Variants in DOCK4 observed in about 807,000 individuals in gnomAD.
DOCK4 encodes the protein dedicator of cytokinesis protein 4.
In DOCK4, 97 loss-of-function variants were observed where a neutral mutation model predicts 268.1. That is an observed-to-expected ratio of 0.36 (90% CI 0.31 to 0.43). The LOEUF is 0.43. Among genes scored for constraint, DOCK4 ranks in the 20% least tolerant of loss-of-function variants. The pLI, the probability that DOCK4 is intolerant of heterozygous loss-of-function variation, is 1.00. For synonymous variants in DOCK4, 954 were observed against 887.2 expected, an observed-to-expected ratio of 1.08 and a Z score of -1.34; for missense variants, 2,145 against 2,455.7, an observed-to-expected ratio of 0.87 and a Z score of 2.67.
chr7:111,865,892 G>A (rs1302062583), intron 22 of DOCK4, among the ~76,000 whole-genome samples: 2 of 152,194 alleles, frequency 1.3e-5, no homozygotes, highest in Non-Finnish European at 2.9e-5. Context: ...CTGCCATCAA[G>A]GAAATGCAGA....
chr7:111,879,924 C>T (rs1440022608), intron 16 of DOCK4, among the ~76,000 whole-genome samples: 2 of 152,012 alleles, frequency 1.3e-5, no homozygotes, highest in Non-Finnish European at 2.9e-5. Flanking sequence ...CGCACTTCTA[C>T]AATATCTAGA....
intron 27 of DOCK4, among the ~76,000 whole-genome samples, chr7:111,815,026 T>C (rs182444433): frequency 6.6e-6 from 1 of 152,366 alleles, no homozygotes; most frequent in East Asian, 1.9e-4. Flanking sequence ...ACAGTTCCTA[T>C]AGTATACATA....
At chr7:111,936,473 G>A (rs569128559) in intron 11 of DOCK4, among the ~76,000 whole-genome samples, 1 of 147,798 alleles carries the variant, frequency 6.8e-6, no homozygotes, top group Non-Finnish European at 1.5e-5. Flanking sequence ...CTTAAAAACT[G>A]TCAGTGGTAT....
intron 8 of DOCK4, chr7:111,953,556 G>A (rs1586481589): frequency 6.6e-6 from 1 of 152,308 alleles, no homozygotes; most frequent in South Asian, 2.1e-4. Flanking sequence ...TACTTCTTTG[G>A]CATAAGAATT....
At chr7:112,126,879 A>C (rs1460674830) in intron 1 of DOCK4, among the ~76,000 whole-genome samples, 1 of 152,124 alleles carries the variant, frequency 6.6e-6, no homozygotes, top group African/African-American at 2.4e-5. Flanking sequence ...CACACCAGGT[A>C]GAATGGCAAT....
intron 1 of DOCK4, among the ~76,000 whole-genome samples, chr7:112,009,423 T>C (rs1801115828): frequency 6.6e-6 from 1 of 152,282 alleles, no homozygotes; most frequent in Non-Finnish European, 1.5e-5. Flanking sequence ...AAGGAAACTG[T>C]TGTTTTTCAC....
chr7:111,900,635 T>C (rs773271643), intron 14 of DOCK4, 99 bp from the exon 15 acceptor site: 39 of 1,278,198 alleles, frequency 3.1e-5, no homozygotes, highest in Middle Eastern at 4.4e-4. Context: ...GCCTCTCAAA[T>C]AGCACTATGA....
intron 6 of DOCK4, among the ~76,000 whole-genome samples, chr7:111,987,177 GT>G (rs1366875394): frequency 2.6e-5 from 4 of 152,140 alleles, no homozygotes; most frequent in Non-Finnish European, 5.9e-5. Flanking sequence ...ATGCATCAAT[GT>G]TTTACCAACT....
At chr7:112,111,816 A>T (rs1166199889) in intron 1 of DOCK4, among the ~76,000 whole-genome samples, 1 of 152,188 alleles carries the variant, frequency 6.6e-6, no homozygotes, top group Non-Finnish European at 1.5e-5. Context: ...TCATTCATGT[A>T]AAAAAGAGTT....
At chr7:112,099,313 A>G (rs1810457447) in intron 1 of DOCK4, among the ~76,000 whole-genome samples, 1 of 151,740 alleles carries the variant, frequency 6.6e-6, no homozygotes, top group Non-Finnish European at 1.5e-5. Flanking sequence ...AAAAAAAAAA[A>G]AAAAAGTAGT....
intron 1 of DOCK4, among the ~76,000 whole-genome samples, chr7:112,035,698 A>C (rs1384362871): frequency 6.6e-6 from 1 of 152,166 alleles, no homozygotes; most frequent in Admixed American, 6.5e-5. Context: ...AATTCAGATA[A>C]ACAAACATAA....
intron 41 of DOCK4, among the ~76,000 whole-genome samples, chr7:111,756,423 T>C (rs1797025646): frequency 6.6e-6 from 1 of 152,114 alleles, no homozygotes; most frequent in Admixed American, 6.6e-5. Flanking sequence ...ACACTACCGA[T>C]AGAGCCAGCA....
At chr7:111,824,332 ATG>A (rs1360776072) in intron 26 of DOCK4, among the ~76,000 whole-genome samples, 1 of 152,138 alleles carries the variant, frequency 6.6e-6, no homozygotes. Context: ...CCCTGCAAAA[ATG>A]GCTTGTGCAT....
intron 8 of DOCK4, among the ~76,000 whole-genome samples, chr7:111,960,838 T>C (rs764955183): frequency 6.6e-6 from 1 of 152,214 alleles, no homozygotes. Flanking sequence ...GGTACATCCA[T>C]GTTGTCCAAA....
At chr7:112,053,004 C>A (rs1053346693) in intron 1 of DOCK4, among the ~76,000 whole-genome samples, 2 of 152,128 alleles carry the variant, frequency 1.3e-5, no homozygotes, top group Admixed American at 1.3e-4. Context: ...AGTGGAAAAC[C>A]AGTTAAATGC....
chr7:111,859,394 C>T (rs1421115275), intron 23 of DOCK4, among the ~76,000 whole-genome samples: 1 of 152,010 alleles, frequency 6.6e-6, no homozygotes, highest in Non-Finnish European at 1.5e-5. Flanking sequence ...TTTGGTGATG[C>T]TATTGTTTTA....
At chr7:111,825,986 C>A (rs894707399) in intron 26 of DOCK4, among the ~76,000 whole-genome samples, 2 of 152,120 alleles carry the variant, frequency 1.3e-5, no homozygotes, top group Admixed American at 6.5e-5. Flanking sequence ...GCTGGGGATA[C>A]CTGGTAAGAG....
rs185466500 is a variant in DOCK4 at position 111,896,354 on chromosome 7, C to G, written c.1481-636G>C. Among the ~76,000 whole-genome samples the G allele has an allele frequency of 4.3e-3, 652 of 152,138 alleles. 8 individuals are homozygous for G. The highest frequency in any genetic ancestry group is 0.015 in the African/African-American group (623 of 41,526). On this transcript the variant is annotated intron_variant, in intron 15 of 52. Transcript: ENST00000428084. ...ATGAGGCGATGAGGTTTTCAGATGC[C>G]TAATTAAGAATTACAATAGCTAGAA...
chr7:112,018,326 C>T (rs1337871946), intron 1 of DOCK4, among the ~76,000 whole-genome samples: 1 of 151,892 alleles, frequency 6.6e-6, no homozygotes, highest in African/African-American at 2.4e-5. Context: ...GAAAAAAATG[C>T]TGCTTGTTTA....
Sources: allele counts gnomAD v4.1 joint callset (sites outside exome capture counted in the v4.1 genomes callset), GRCh38; gene constraint gnomAD v4.1.1; transcripts MANE v1.5; gene names NCBI Gene and HGNC (gene_info 2026-07-23, HGNC 2026-07-21).